Variants in MCAM observed in about 807,000 individuals in gnomAD.
MCAM encodes cell surface glycoprotein MUC18.
A neutral mutation model predicts 79.1 loss-of-function variants in MCAM; 55 were observed. The observed-to-expected ratio is 0.70, with a 90% CI of 0.56 to 0.87. The LOEUF (loss-of-function observed/expected upper bound fraction) is 0.87, where lower values mean the gene tolerates loss of function less well. Among genes scored for constraint, MCAM ranks in the 40% least tolerant of loss-of-function variants. The pLI is 0.00. For missense variants in MCAM, 745 were observed against 839.8 expected, an observed-to-expected ratio of 0.89 and a Z score of 1.40; for synonymous variants, 330 against 339.8, an observed-to-expected ratio of 0.97 and a Z score of 0.32.
chr11:119,315,476 A>C lies in MCAM; in HGVS notation c.68-213T>G, dbSNP rs1046973739. 8.4e-6 allele frequency: 5 copies of C among 592,160 alleles called. No individual in the cohort carries two copies. In the African/African-American group the frequency reaches 9.3e-5, roughly 11 times the overall value. The allele number at this position is 592,160 out of a possible 1,614,324, so 36.7% of individuals were successfully genotyped here. On this transcript the variant is annotated intron_variant, in intron 1 of 15. Coordinates refer to ENST00000264036, the MANE Select transcript of MCAM (RefSeq NM_006500.3). This position sits in a 1 kb window ranked among gnomAD's most constrained non-coding sequence, Gnocchi z 4.4. Reference sequence around the variant, plus strand: ...ATCCCAGGTCCTTGGAGCCAAGCAGAGATTGAGCAGAGACTGAGCACCGAA... The same window carrying C: ...ATCCCAGGTCCTTGGAGCCAAGCAGCGATTGAGCAGAGACTGAGCACCGAA...
Position 119,310,450 on chromosome 11 carries a change from GAGAC to G in MCAM, c.1806_1809del (p.Ser603ValfsTer6). 3.1e-6 allele frequency: 5 copies of G among 1,611,850 alleles called. No homozygotes were observed. The highest frequency in any genetic ancestry group is 4.2e-6 in the Non-Finnish European group (5 of 1,178,032). On this transcript the variant is annotated frameshift_variant, in exon 15 of 16. Transcript: ENST00000264036. LOFTEE classifies it high-confidence loss of function. ...ACTTCAACTACAAGTTCGCTCTTAC[GAGAC>G]GGGGGTAGCGTGCTGGGAGGAGGGA...
In MCAM at chr11:119,315,377, G is replaced by A. The variant is rs541515096; in HGVS notation, c.68-114C>T. On this transcript the variant is annotated intron_variant, in intron 1 of 15. Coordinates refer to ENST00000264036, the MANE Select transcript of MCAM (RefSeq NM_006500.3). This position sits in a 1 kb window ranked among gnomAD's most constrained non-coding sequence, Gnocchi z 4.4. ...CTGCCACTCAGAGGGTCTGCAGAGG[G>A]CCCTGTCCTCTGAACGCTCTACCCC... is the stretch of plus-strand genomic sequence containing the variant. The A allele has an allele frequency of 5.9e-6, 8 of 1,350,000 alleles. No homozygotes were observed. The African/African-American group carries it at 1.2e-4, about 19-fold the overall frequency. 83.6% of individuals were successfully genotyped at this position (1,350,000 alleles called of 1,614,324 possible). A position where few individuals can be genotyped will look rare whatever the true frequency, so the allele number is the denominator to read the frequency against.
Position 119,312,983 on chromosome 11 carries a change from TCAGCCCCACCTC to T in MCAM, c.560-46_560-35del, listed in dbSNP as rs1366501686. ...GGAGGAAGGGGAGGAAGACTCAGCC[TCAGCCCCACCTC>T]CAGCCCCACCCTAGGGTTGTCCACT... On this transcript the variant is annotated intron_variant, in intron 5 of 15. Transcript: ENST00000264036. This position sits in a 1 kb window ranked among gnomAD's most constrained non-coding sequence, Gnocchi z 4.9. 8 of 1,613,196 alleles carry T rather than the reference TCAGCCCCACCTC, an allele frequency of 5.0e-6. No homozygotes were observed. Among genetic ancestry groups the T allele is most frequent in the East Asian group, 4.5e-5 (2 of 44,882 alleles).
At position 119,311,882 on chromosome 11, in the gene MCAM, C is replaced by T. The variant is rs749075742; in HGVS notation, c.1211G>A (p.Gly404Asp). 6.2e-7 allele frequency: 1 copy of T among 1,614,114 alleles called. No homozygotes were observed. The highest frequency in any genetic ancestry group is 8.5e-7 in the Non-Finnish European group (1 of 1,180,022). ...GGGCACAGACGCCACGCAGCGATAG[C>T]CGCCTCCTGCCTCCCGTTTCAGGTC... ...LHDLKREAGG[G>D]YRCVASVPSI... is the part of the protein sequence containing the mutation. Residue 404 changes from glycine to aspartate, a missense_variant, in exon 10 of 16, where the codon GGC (glycine) becomes GAC (aspartate). Transcript: ENST00000264036. This position sits in a 1 kb window ranked among gnomAD's most constrained non-coding sequence, Gnocchi z 4.4.
At position 119,310,416 on chromosome 11, in the gene MCAM, TCTGACTTAAC is replaced by T; in HGVS notation, c.1834_1843del (p.Val612IlefsTer30). On this transcript the variant is annotated frameshift_variant, in exon 15 of 16. Coordinates refer to ENST00000264036, the MANE Select transcript of MCAM (RefSeq NM_006500.3). LOFTEE classifies it high-confidence loss of function. ...GAGGCCCATCTCTTCTGGGAGCTTATCTGACTTAACTTCAACTACAAGTTCGCTCTTACGA... is the reference window on the plus strand; with the variant it reads ...GAGGCCCATCTCTTCTGGGAGCTTATTTCAACTACAAGTTCGCTCTTACGA... The T allele has an allele frequency of 6.2e-7, 1 of 1,614,120 alleles. No individual in the cohort carries two copies.
rs1448186835 is a variant in MCAM at position 119,311,647 on chromosome 11, G to A, written c.1290C>T (p.Pro430=). ...TQLVNVAIFG[P]PWMAFKERKV... ...TCCTCTCCTTGAATGCCATCCAAGG[G>A]GGGCCTTGGGGAGGTAGGGAGAGGT... Residue 430 remains proline, a synonymous_variant, in exon 11 of 16, where the codon CCC becomes CCT. Coordinates refer to ENST00000264036, the MANE Select transcript of MCAM (RefSeq NM_006500.3). The surrounding 1 kb of genome is among the most constrained non-coding windows in gnomAD (Gnocchi z 4.4). 2 of 1,613,916 alleles carry A rather than the reference G, an allele frequency of 1.2e-6. No homozygotes were observed. The highest frequency in any genetic ancestry group is 1.3e-5 in the African/African-American group (1 of 74,892).
At position 119,311,069 on chromosome 11, in the gene MCAM, C is replaced by A. The variant is rs1241982030; in HGVS notation, c.1645+21G>T. 1 of 1,614,224 alleles carries A rather than the reference C, an allele frequency of 6.2e-7. No individual in the cohort carries two copies. Among genetic ancestry groups the A allele is most frequent in the Non-Finnish European group, 8.5e-7 (1 of 1,180,040 alleles). On this transcript the variant is annotated intron_variant, in intron 13 of 15. Transcript: ENST00000264036. This position sits in a 1 kb window ranked among gnomAD's most constrained non-coding sequence, Gnocchi z 4.4. ...AAGGATGCCCTGGCACAGCCCTGTTCTCTTGCCAGGCCTGGCTTACCTGTG... is the reference window on the plus strand; with the variant it reads ...AAGGATGCCCTGGCACAGCCCTGTTATCTTGCCAGGCCTGGCTTACCTGTG...
In MCAM at chr11:119,314,509, G is replaced by A. The variant is rs1950279501; in HGVS notation, c.539C>T (p.Pro180Leu). The change falls in exon 5 of 16, where the codon CCT becomes CTT. Residue 180 changes from proline to leucine, a missense_variant. Pro to Leu is a moderately conservative substitution (Grantham distance 98, BLOSUM62 -3). Transcript: ENST00000264036. ...PQVIWYKNGR[P>L]LKEEKNRVHI... ...CTCACGGTTCTTCTCCTCCTTCAGA[G>A]GCCGGCCATTCTTGTACCAGATGAC... 2 of 1,613,710 alleles carry A rather than the reference G, an allele frequency of 1.2e-6. No homozygotes were observed. Among genetic ancestry groups the A allele is most frequent in the South Asian group, 1.1e-5 (1 of 91,080 alleles).
In MCAM at chr11:119,312,047, G is replaced by A; in HGVS notation, c.1143+5C>T. 3 of 1,609,728 alleles carry A rather than the reference G, an allele frequency of 1.9e-6. No individual in the cohort carries two copies. Among genetic ancestry groups the A allele is most frequent in the Non-Finnish European group, 2.5e-6 (3 of 1,177,774 alleles). The stretch of plus-strand genomic sequence containing the variant: ...CAGCCCCTTGCCCCAGACCCGCCTG[G>A]GTACCTCTTCTCTCAGCCACTGGAA... On this transcript the variant is annotated splice_donor_5th_base_variant and intron_variant, in intron 9 of 15. Coordinates refer to ENST00000264036, the MANE Select transcript of MCAM (RefSeq NM_006500.3). This position sits in a 1 kb window ranked among gnomAD's most constrained non-coding sequence, Gnocchi z 4.9.
At position 119,315,152 on chromosome 11, in the gene MCAM, A is replaced by G; in HGVS notation, c.179T>C (p.Val60Ala). 6.2e-7 allele frequency: 1 copy of G among 1,613,548 alleles called. No homozygotes were observed. Among genetic ancestry groups the G allele is most frequent in the Non-Finnish European group, 8.5e-7 (1 of 1,179,986 alleles). The change falls in exon 2 of 16, where the codon GTC (valine) becomes GCC (alanine). Residue 60 changes from valine to alanine, a missense_variant. Physicochemically the swap from Val to Ala is moderately conservative, Grantham distance 64. Transcript: ENST00000264036. This position sits in a 1 kb window ranked among gnomAD's most constrained non-coding sequence, Gnocchi z 4.4. Reference protein sequence around the residue: ...LSQSQGNLSHVDWFSVHKEKR... With the variant: ...LSQSQGNLSHADWFSVHKEKR... ...CCAAGCACTCACAGAAAACCAGTCG[A>G]CATGGCTGAGGTTGCCTTGGGACTG...
At position 119,308,973 on chromosome 11, in the gene MCAM, T is replaced by TTTC. The variant is rs1212303217; in HGVS notation, c.*910_*912dup. On this transcript the variant is annotated 3_prime_UTR_variant, in exon 16 of 16. Coordinates refer to ENST00000264036, the MANE Select transcript of MCAM (RefSeq NM_006500.3). ...GCTTCCTCACCGCAGGCACGTATCT[T>TTTC]TTCTTTTTTTTTCCTCGAGACGGAG... The TTTC allele has an allele frequency of 6.6e-6, 1 of 152,126 alleles. No homozygotes were observed. Among genetic ancestry groups the TTTC allele is most frequent in the African/African-American group, 2.4e-5 (1 of 41,428 alleles). The allele number at this position is 152,126 out of a possible 1,614,324, so 9.4% of individuals were successfully genotyped here. A position where few individuals can be genotyped will look rare whatever the true frequency, so the allele number is the denominator to read the frequency against.
chr11:119,310,029 T>C (rs758401419), intron 15 of MCAM, 114 bp from the exon 16 acceptor site: 114 of 916,812 alleles, frequency 1.2e-4, no homozygotes, highest in Non-Finnish European at 1.8e-4. Flanking sequence ...GTGGGCAGCG[T>C]TGGGGAGGAA....
In MCAM at chr11:119,310,902, C is replaced by G; in HGVS notation, c.1647G>C (p.Glu549Asp). The part of the protein sequence containing the change: ...PHTRANSTST[E>D]RKLPEPESRG... ...GGCTCTCCGGCTCCGGCAGCTTTCT[C>G]TCTGCGCCACAAAGACACTCCTCGT... The change falls in exon 14 of 16, where the codon GAG becomes GAC. Residue 549 changes from glutamate (E) to aspartate (D), a missense_variant and splice_region_variant. Transcript: ENST00000264036. 1 of 1,614,196 alleles carries G rather than the reference C, an allele frequency of 6.2e-7. No homozygotes were observed. The highest frequency in any genetic ancestry group is 1.1e-5 in the South Asian group (1 of 91,080).
At position 119,311,293 on chromosome 11, in the gene MCAM, G is replaced by A. The variant is rs1164994419; in HGVS notation, c.1536C>T (p.Leu512=). ...TGCAGCCCTCACCCAGCTCCAGGAA[G>A]AGGATGCTGGTGTTTTTGCCCAGGT... The part of the protein sequence containing the change: ...SNDLGKNTSI[L]FLELVNLTTL... Residue 512 remains leucine, a synonymous_variant, in exon 12 of 16, where the codon CTC becomes CTT. Coordinates refer to ENST00000264036, the MANE Select transcript of MCAM (RefSeq NM_006500.3). The surrounding 1 kb of genome is among the most constrained non-coding windows in gnomAD (Gnocchi z 4.4). The A allele has an allele frequency of 1.2e-6, 2 of 1,614,230 alleles. No individual in the cohort carries two copies. The highest frequency in any genetic ancestry group is 8.5e-7 in the Non-Finnish European group (1 of 1,180,028).
intron 5 of MCAM, chr11:119,313,205 C>T (rs1045257253): frequency 1.0e-5 from 15 of 1,450,916 alleles, no homozygotes; most frequent in Middle Eastern, 3.5e-4. Flanking sequence ...AACGAGCAGC[C>T]GTCTAGATGT....
In MCAM at chr11:119,311,293, G is replaced by C. The variant is rs1164994419; in HGVS notation, c.1536C>G (p.Leu512=). 2.5e-6 allele frequency: 4 copies of C among 1,614,112 alleles called. No individual in the cohort carries two copies. In the Admixed American group the frequency reaches 6.7e-5, roughly 27 times the overall value. ...TGCAGCCCTCACCCAGCTCCAGGAA[G>C]AGGATGCTGGTGTTTTTGCCCAGGT... ...SNDLGKNTSI[L]FLELVNLTTL... is the part of the protein sequence containing the mutation. The change falls in exon 12 of 16, where the codon CTC becomes CTG. Residue 512 remains leucine, a synonymous_variant. Coordinates refer to ENST00000264036, the MANE Select transcript of MCAM (RefSeq NM_006500.3). The surrounding 1 kb of genome is among the most constrained non-coding windows in gnomAD (Gnocchi z 4.4).
In MCAM at chr11:119,311,318, T is replaced by C. The variant is rs367852618; in HGVS notation, c.1511A>G (p.Asp504Gly). 3.1e-6 allele frequency: 5 copies of C among 1,614,038 alleles called. No homozygotes were observed. Among genetic ancestry groups the C allele is most frequent in the Non-Finnish European group, 4.2e-6 (5 of 1,180,020 alleles). The part of the protein sequence containing the change: ...ETGVECTASN[D>G]LGKNTSILFL... ...GAGGATGCTGGTGTTTTTGCCCAGGTCGTTGGAGGCCGTGCATTCAACACC... is the reference window on the plus strand; with the variant it reads ...GAGGATGCTGGTGTTTTTGCCCAGGCCGTTGGAGGCCGTGCATTCAACACC... Residue 504 changes from aspartate to glycine, a missense_variant, in exon 12 of 16, where the codon GAC becomes GGC. By Grantham distance (94) the Asp-to-Gly change is moderately conservative. Coordinates refer to ENST00000264036, the MANE Select transcript of MCAM (RefSeq NM_006500.3). The surrounding 1 kb of genome is among the most constrained non-coding windows in gnomAD (Gnocchi z 4.4).
In MCAM at chr11:119,309,463, T is replaced by G. The variant is rs1190796568; in HGVS notation, c.*423A>C. 1.4e-5 allele frequency: 3 copies of G among 211,020 alleles called. No homozygotes were observed. Among genetic ancestry groups the G allele is most frequent in the Non-Finnish European group, 1.9e-5 (2 of 103,994 alleles). 13.1% of individuals were successfully genotyped at this position (211,020 alleles called of 1,614,324 possible). ...AACATGAGCAGGCGCCTGGCTCCGG[T>G]GTGTCCTCACTTCAGTGGTGCACCT... On this transcript the variant is annotated 3_prime_UTR_variant, in exon 16 of 16. Transcript: ENST00000264036.
rs184418641 is a variant in MCAM, at chr11:119,316,855, G to T, written c.67+180C>A. 19 of 554,230 alleles carry T rather than the reference G, an allele frequency of 3.4e-5. No homozygotes were observed. In the African/African-American group the frequency reaches 3.6e-4, roughly 11 times the overall value. The allele number at this position is 554,230 out of a possible 1,614,324, so 34.3% of individuals were successfully genotyped here. A position where few individuals can be genotyped will look rare whatever the true frequency, so the allele number is the denominator to read the frequency against. Reference sequence around the variant, plus strand: ...CCCGGGATACTCTAGAATCCCGGCTGCAAACTGGCTGCAAAGAAGAGTTGC... The same window carrying T: ...CCCGGGATACTCTAGAATCCCGGCTTCAAACTGGCTGCAAAGAAGAGTTGC... On this transcript the variant is annotated intron_variant, in intron 1 of 15. Transcript: ENST00000264036. This position sits in a 1 kb window ranked among gnomAD's most constrained non-coding sequence, Gnocchi z 4.8.
Sources: allele counts gnomAD v4.1 joint callset, GRCh38; gene constraint gnomAD v4.1.1; non-coding constraint Gnocchi (gnomAD v3.1); transcripts MANE v1.5; gene names NCBI Gene and HGNC (gene_info 2026-07-23, HGNC 2026-07-21).